Variants in DNAI7 observed in about 807,000 individuals in gnomAD.
DNAI7 encodes the protein cancer susceptibility 1.
A neutral mutation model predicts 86.6 loss-of-function variants in DNAI7; 78 were observed. The ratio of observed to expected loss-of-function variants is 0.90; its 90% confidence interval spans 0.75 to 1.09. The LOEUF is 1.09. DNAI7 is among the 50% of genes least tolerant of loss of function. DNAI7 has a pLI of 0.00. For synonymous variants in DNAI7, 274 were observed against 273.0 expected, an observed-to-expected ratio of 1.00 and a Z score of -0.04; for missense variants, 753 against 810.2, an observed-to-expected ratio of 0.93 and a Z score of 0.86.
chr12:25,120,946 C>T (rs904700198), intron 11 of DNAI7, among the ~76,000 whole-genome samples: 2 of 152,126 alleles, frequency 1.3e-5, no homozygotes, highest in Non-Finnish European at 2.9e-5. Flanking sequence ...CTGCAGATTC[C>T]GTAGCTCTGA....
intron 13 of DNAI7, among the ~76,000 whole-genome samples, chr12:25,113,990 G>A (rs1939547552): frequency 7.9e-6 from 1 of 126,258 alleles, no homozygotes; most frequent in Non-Finnish European, 1.6e-5. Context: ...CTGTTGCCCA[G>A]GCTGGAGTGC....
intron 2 of DNAI7, among the ~76,000 whole-genome samples, chr12:25,173,513 C>T (rs1948368500): frequency 6.6e-6 from 1 of 151,982 alleles, no homozygotes; most frequent in African/African-American, 2.4e-5. Context: ...GGAATGCAAA[C>T]TAGTACAGCC....
intron 6 of DNAI7, among the ~76,000 whole-genome samples, chr12:25,150,601 CAAAAAA>C (rs58511191): frequency 6.7e-5 from 6 of 88,980 alleles, no homozygotes; most frequent in African/African-American, 1.4e-4. Flanking sequence ...GACTCTGTCT[CAAAAAA>C]AAAAAAAAAA....
chr12:25,143,147 T>C (rs1021772762), intron 9 of DNAI7, among the ~76,000 whole-genome samples: 2 of 152,200 alleles, frequency 1.3e-5, no homozygotes, highest in African/African-American at 4.8e-5. Flanking sequence ...CTTATGCCTT[T>C]AAAATTTTCA....
At chr12:25,187,819 C>T (rs1370931692) in intron 2 of DNAI7, among the ~76,000 whole-genome samples, 6 of 152,086 alleles carry the variant, frequency 3.9e-5, no homozygotes, top group South Asian at 2.1e-4. Flanking sequence ...GGAAATAATG[C>T]CTAAGATGGC....
chr12:25,117,740 A>G (rs1940413775), intron 12 of DNAI7, among the ~76,000 whole-genome samples: 1 of 152,186 alleles, frequency 6.6e-6, no homozygotes, highest in Admixed American at 6.5e-5. Context: ...ATAAAAAGGT[A>G]TACAAGTGGC....
At chr12:25,122,803 C>T (rs949016924) in intron 10 of DNAI7, among the ~76,000 whole-genome samples, 1 of 152,042 alleles carries the variant, frequency 6.6e-6, no homozygotes, top group Non-Finnish European at 1.5e-5. Flanking sequence ...TAGAAACAAC[C>T]TGCCTATCAA....
At chr12:25,163,071 G>A (rs900199842) in intron 2 of DNAI7, among the ~76,000 whole-genome samples, 4 of 152,086 alleles carry the variant, frequency 2.6e-5, no homozygotes, top group Non-Finnish European at 4.4e-5. Flanking sequence ...TTGCGCAAGC[G>A]GGAAAGGGAG....
In DNAI7 at chr12:25,115,275, A is replaced by T. The variant is rs577230959; in HGVS notation, c.1397-405T>A. ...CTCTCTTCAGCTTTGCTTTAAAATG[A>T]CTTCAAAATTCATGTATTTTTTGTA... On this transcript the variant is annotated intron_variant, in intron 12 of 15. Transcript: ENST00000395987. Among the ~76,000 whole-genome samples, 18 of 152,326 alleles carry T rather than the reference A, an allele frequency of 1.2e-4. No individual in the cohort carries two copies. The South Asian group carries it at 3.5e-3, about 30-fold the overall frequency.
intron 5 of DNAI7, 43 bp from the exon 6 acceptor site, chr12:25,154,499 C>G (rs1945929328): frequency 1.9e-6 from 3 of 1,568,998 alleles, no homozygotes; most frequent in Non-Finnish European, 2.6e-6. Context: ...GATGAAGATT[C>G]AACCAAAGAT....
At chr12:25,133,278 T>C (rs1943150883) in intron 9 of DNAI7, among the ~76,000 whole-genome samples, 1 of 152,162 alleles carries the variant, frequency 6.6e-6, no homozygotes. Flanking sequence ...TTCGAGTTTC[T>C]TTTATATAGA....
intron 9 of DNAI7, among the ~76,000 whole-genome samples, chr12:25,124,529 CAAGG>C (rs1454532947): frequency 6.6e-6 from 1 of 152,106 alleles, no homozygotes; most frequent in Non-Finnish European, 1.5e-5. Flanking sequence ...AATAGGAGTA[CAAGG>C]AAGAGGAGTT....
intron 1 of DNAI7, among the ~76,000 whole-genome samples, chr12:25,191,581 G>A (rs1447008567): frequency 6.6e-6 from 1 of 152,126 alleles, no homozygotes; most frequent in Non-Finnish European, 1.5e-5. Context: ...GCATGTGTCT[G>A]TAGTCCCAGC....
intron 9 of DNAI7, among the ~76,000 whole-genome samples, chr12:25,135,489 T>A (rs1045765675): frequency 6.6e-6 from 1 of 151,604 alleles, no homozygotes; most frequent in South Asian, 2.1e-4. Context: ...GAACAGGGGA[T>A]GGGGGGCGGT....
At chr12:25,172,956 G>T (rs1283253774) in intron 2 of DNAI7, among the ~76,000 whole-genome samples, 1 of 152,158 alleles carries the variant, frequency 6.6e-6, no homozygotes, top group African/African-American at 2.4e-5. Context: ...ATCAACACAA[G>T]ATGGATTAAG....
chr12:25,164,317 C>T (rs1947179260), intron 2 of DNAI7, among the ~76,000 whole-genome samples: 1 of 152,022 alleles, frequency 6.6e-6, no homozygotes, highest in Non-Finnish European at 1.5e-5. Flanking sequence ...ACCCCTTCTC[C>T]ACTTTTCTGG....
chr12:25,168,491 C>T (rs1167620235), intron 2 of DNAI7, among the ~76,000 whole-genome samples: 1 of 152,188 alleles, frequency 6.6e-6, no homozygotes, highest in Non-Finnish European at 1.5e-5. Flanking sequence ...AATGACTTCT[C>T]TGCTAGCATC....
At chr12:25,159,236 G>A (rs1318691280) in intron 3 of DNAI7, among the ~76,000 whole-genome samples, 1 of 152,162 alleles carries the variant, frequency 6.6e-6, no homozygotes, top group African/African-American at 2.4e-5. Context: ...TGCAGCAGGA[G>A]CTACTCGGCC....
intron 2 of DNAI7, chr12:25,185,646 C>G: frequency 2.1e-5 from 6 of 282,016 alleles, no homozygotes; most frequent in Non-Finnish European, 3.2e-5. Context: ...TGATTTAATT[C>G]CCTCATATAT....
Sources: gnomAD v4.1 joint callset for allele counts (sites outside exome capture counted in the v4.1 genomes callset) on GRCh38, gnomAD v4.1.1 for gene constraint, MANE v1.5 for transcripts, NCBI Gene and HGNC (gene_info 2026-07-23, HGNC 2026-07-21) for gene names.